PLXNA4: variants seen among roughly 807,000 people sequenced by gnomAD.
PLXNA4 encodes plexin-A4.
In PLXNA4, 44 loss-of-function variants were observed where a neutral mutation model predicts 191.8. The observed-to-expected ratio is 0.23, with a 90% CI of 0.18 to 0.29. The LOEUF (loss-of-function observed/expected upper bound fraction) is 0.29, where lower values mean the gene tolerates loss of function less well. PLXNA4 is among the 10% of genes least tolerant of loss of function. PLXNA4 has a pLI of 1.00. For synonymous variants in PLXNA4, 1,082 were observed against 1,009.5 expected (o/e 1.07, Z -1.36); for missense variants, 1,800 against 2,488.8 (o/e 0.72, Z 5.89).
chr7:132,307,615 A>G (rs1280117468), intron 3 of PLXNA4, among the ~76,000 whole-genome samples: 1 of 152,006 alleles, frequency 6.6e-6, no homozygotes, highest in Non-Finnish European at 1.5e-5. Flanking sequence ...GCAAAAGTGA[A>G]ATGGAAACTG....
chr7:132,607,400 C>T (rs943594001), intron 2 of PLXNA4, among the ~76,000 whole-genome samples: 2 of 152,182 alleles, frequency 1.3e-5, no homozygotes, highest in South Asian at 2.1e-4. Context: ...GCCTCTGGCA[C>T]CTAGCTAGGA....
At chr7:132,335,376 A>C (rs1175007637) in intron 3 of PLXNA4, among the ~76,000 whole-genome samples, 1 of 152,212 alleles carries the variant, frequency 6.6e-6, no homozygotes, top group Non-Finnish European at 1.5e-5. Flanking sequence ...TAATGCTATG[A>C]CTCAGAAGCC....
At chr7:132,244,381 G>A (rs1798978688) in intron 4 of PLXNA4, among the ~76,000 whole-genome samples, 1 of 152,146 alleles carries the variant, frequency 6.6e-6, no homozygotes, top group South Asian at 2.1e-4. Flanking sequence ...ACTTTCTCTT[G>A]AAGACAATCA....
At chr7:132,460,641 T>C (rs764117640) in intron 3 of PLXNA4, among the ~76,000 whole-genome samples, 4 of 152,108 alleles carry the variant, frequency 2.6e-5, no homozygotes, top group Non-Finnish European at 4.4e-5. Context: ...TAGCAGGCAA[T>C]ATTTAAATTC....
At chr7:132,581,729 T>TAC (rs369866652), upstream of PLXNA4, among the ~76,000 whole-genome samples, 4,567 of 150,270 alleles carry the variant, frequency 0.03, 107 homozygotes, top group East Asian at 0.099. Flanking sequence ...CCTCTCCTCC[T>TAC]ACACACACAC....
intron 8 of PLXNA4, among the ~76,000 whole-genome samples, chr7:132,224,733 C>A (rs1798257099): frequency 6.6e-6 from 1 of 152,080 alleles, no homozygotes; most frequent in African/African-American, 2.4e-5. Context: ...CCGCAAGAGG[C>A]AAGAGGAGAG....
intron 27 of PLXNA4, 125 bp from the exon 28 acceptor site, chr7:132,146,825 G>C (rs775606731): frequency 5.3e-6 from 8 of 1,506,176 alleles, no homozygotes; most frequent in Non-Finnish European, 6.2e-6. Context: ...ATTGGTCGGT[G>C]CTGTCACCTT....
intron 2 of PLXNA4, among the ~76,000 whole-genome samples, chr7:132,504,020 G>T (rs1350095314): frequency 6.6e-6 from 1 of 152,176 alleles, no homozygotes; most frequent in East Asian, 1.9e-4. Context: ...TCCACACTTG[G>T]TGCCCACTCA....
chr7:132,324,332 T>C (rs1474853725), intron 3 of PLXNA4, among the ~76,000 whole-genome samples: 2 of 152,254 alleles, frequency 1.3e-5, no homozygotes, highest in Non-Finnish European at 2.9e-5. Flanking sequence ...TTGTGTTTAC[T>C]TATTGTGACA....
intron 1 of PLXNA4, among the ~76,000 whole-genome samples, chr7:132,532,842 A>G (rs1799675641): frequency 6.6e-6 from 1 of 152,080 alleles, no homozygotes; most frequent in South Asian, 2.1e-4. Flanking sequence ...TTTACCTAAG[A>G]TTCCTTTTTC....
intron 2 of PLXNA4, among the ~76,000 whole-genome samples, chr7:132,623,756 A>G (rs191004706): frequency 6.6e-6 from 1 of 152,286 alleles, no homozygotes; most frequent in East Asian, 1.9e-4. Context: ...TTTACAGGTG[A>G]CCCATCCAAA....
intron 2 of PLXNA4, among the ~76,000 whole-genome samples, chr7:132,592,069 C>G (rs188941244): frequency 5.3e-5 from 8 of 152,142 alleles, no homozygotes; most frequent in African/African-American, 1.9e-4. Flanking sequence ...GGTGACCCGC[C>G]AGCTCATGAG....
At chr7:132,412,924 G>C (rs1458390337) in intron 3 of PLXNA4, among the ~76,000 whole-genome samples, 3 of 152,108 alleles carry the variant, frequency 2.0e-5, no homozygotes, top group African/African-American at 7.2e-5. Flanking sequence ...TAAACCTTGG[G>C]GTGCCATGAC....
Position 132,518,866 on chromosome 7 carries a change from C to A in PLXNA4, c.-86-10087G>T, listed in dbSNP as rs117470706. 1.9e-3 allele frequency among the ~76,000 whole-genome samples: 286 copies of A among 152,330 alleles called. 9 individuals carry two copies. The East Asian group carries it at 0.048, about 26-fold the overall frequency. The stretch of plus-strand genomic sequence containing the variant: ...CTTTCCCTCCCCCAGGCCTCCTTGT[C>A]CTTGGCCTGGAGGGTGTTCCCTCAG... On this transcript the variant is annotated intron_variant, in intron 1 of 31. Transcript: ENST00000321063.
chr7:132,165,317 C>T (rs1210710035), intron 22 of PLXNA4, 117 bp from the exon 23 acceptor site: 12 of 1,403,296 alleles, frequency 8.6e-6, no homozygotes, highest in African/African-American at 5.8e-5. Context: ...CTGCTTCTAG[C>T]GTTTAGGCCA....
chr7:132,321,221 G>C (rs985126395), intron 3 of PLXNA4, among the ~76,000 whole-genome samples: 1 of 152,140 alleles, frequency 6.6e-6, no homozygotes. Flanking sequence ...GCTTGGCAGG[G>C]GTTGGTTAAG....
intron 2 of PLXNA4, among the ~76,000 whole-genome samples, chr7:132,621,423 G>A (rs1181599717): frequency 6.6e-6 from 1 of 151,990 alleles, no homozygotes; most frequent in African/African-American, 2.4e-5. Flanking sequence ...ACCATGCCCA[G>A]CTAATTTTTG....
rs1803719554 is a variant in PLXNA4, at chr7:132,640,453, G to GGTATAAA, written c.-87+5474_-87+5475insTTTATAC. On this transcript the variant is annotated intron_variant, in intron 2 of 4. Transcript: ENST00000378539. ...TGGGGAGGTAATTAAGGTTAAATGA[G>GGTATAAA]GTCATATGACTGGTGTCCTTATAAG... is the stretch of plus-strand genomic sequence containing the variant. 2.1e-4 allele frequency among the ~76,000 whole-genome samples: 32 copies of GGTATAAA among 152,290 alleles called. No individual in the cohort carries two copies. The South Asian group carries it at 6.4e-3, about 31-fold the overall frequency.
chr7:132,565,501 A>G (rs1801680000), intron 1 of PLXNA4, among the ~76,000 whole-genome samples: 1 of 152,224 alleles, frequency 6.6e-6, no homozygotes, highest in Non-Finnish European at 1.5e-5. Context: ...TTGTCACTGC[A>G]ACACGACAGT....
Sources: gnomAD v4.1 joint callset for allele counts (sites outside exome capture counted in the v4.1 genomes callset) on GRCh38, gnomAD v4.1.1 for gene constraint, MANE v1.5 for transcripts, NCBI Gene and HGNC (gene_info 2026-07-23, HGNC 2026-07-21) for gene names.